The following GUCY2C variants were observed in gnomAD, a reference collection of about 807,000 sequenced individuals.
The protein encoded by GUCY2C is guanylyl cyclase C.
A neutral mutation model predicts 131.1 loss-of-function variants in GUCY2C; 118 were observed. The ratio of observed to expected loss-of-function variants is 0.90; its 90% CI spans 0.78 to 1.05. The LOEUF (loss-of-function observed/expected upper bound fraction) is 1.05. Among genes scored for constraint, GUCY2C ranks in the 50% least tolerant of loss-of-function variants. The pLI is 0.00. For missense variants in GUCY2C, 1,161 were observed against 1,304.4 expected (o/e 0.89, Z 1.69); for synonymous variants, 452 against 457.8 (o/e 0.99, Z 0.16).
chr12:14,679,995 T>G (rs994645420), intron 5 of GUCY2C, among the ~76,000 whole-genome samples: 2 of 152,020 alleles, frequency 1.3e-5, no homozygotes, highest in African/African-American at 2.4e-5. Flanking sequence ...TTTTATAGAT[T>G]TAAGGAGGCT....
chr12:14,664,285 A>G (rs896744765), intron 10 of GUCY2C, among the ~76,000 whole-genome samples: 1 of 152,130 alleles, frequency 6.6e-6, no homozygotes, highest in Non-Finnish European at 1.5e-5. Flanking sequence ...CACTCCCACC[A>G]TTCTCACGCC....
intron 16 of GUCY2C, 49 bp downstream of exon 16, chr12:14,645,180 G>T: frequency 1.0e-6 from 1 of 1,004,154 alleles, no homozygotes; most frequent in Non-Finnish European, 1.6e-6. Context: ...TGTTAGATCT[G>T]TTTTCTTATA....
At chr12:14,686,090 G>T in intron 3 of GUCY2C, 71 bp downstream of exon 3, 2 of 922,146 alleles carry the variant, frequency 2.2e-6, no homozygotes, top group African/African-American at 1.6e-5. Context: ...GGCTTGACTA[G>T]ACTGTTGTTT....
Position 14,656,629 on chromosome 12 carries a change from A to G in GUCY2C, c.1365-12T>C. ...CTTTTCTATATTTTCTGTGAAAGGA[A>G]TAAAACTGGTCAATAGGTTTTTATT... On this transcript the variant is annotated splice_polypyrimidine_tract_variant and intron_variant, in intron 11 of 26. Transcript: ENST00000261170. 1 of 1,281,510 alleles carries G rather than the reference A, an allele frequency of 7.8e-7. No homozygotes were observed. Among genetic ancestry groups the G allele is most frequent in the Non-Finnish European group, 1.1e-6 (1 of 877,182 alleles). The allele number at this position is 1,281,510 out of a possible 1,614,324, so 79.4% of individuals were successfully genotyped here.
intron 1 of GUCY2C, among the ~76,000 whole-genome samples, chr12:14,695,780 CAT>C (rs1392908217): frequency 2.0e-5 from 3 of 152,026 alleles, no homozygotes; most frequent in Admixed American, 1.3e-4. Context: ...CAGAAGGAAA[CAT>C]AATGCCTTCC....
chr12:14,639,662 G>C (rs918617698), intron 19 of GUCY2C, among the ~76,000 whole-genome samples, 200 bp downstream of exon 19: 4 of 152,192 alleles, frequency 2.6e-5, no homozygotes, highest in African/African-American at 9.7e-5. Context: ...AATGTCAACA[G>C]CCATCAGAAG....
At chr12:14,645,828 G>GTT (rs199803516) in intron 15 of GUCY2C, among the ~76,000 whole-genome samples, 32 of 139,298 alleles carry the variant, frequency 2.3e-4, no homozygotes, top group Middle Eastern at 3.8e-3. Context: ...AATTTTCTTT[G>GTT]TTTTTTTTTG....
At chr12:14,627,653 C>T (rs903374878) in intron 20 of GUCY2C, among the ~76,000 whole-genome samples, 5 of 152,122 alleles carry the variant, frequency 3.3e-5, no homozygotes, top group African/African-American at 1.2e-4. Context: ...TTCCAAGCTG[C>T]AGCCAAGTTT....
intron 21 of GUCY2C, among the ~76,000 whole-genome samples, chr12:14,625,226 G>A (rs979653815): frequency 5.1e-4 from 77 of 152,218 alleles, no homozygotes; most frequent in African/African-American, 1.8e-3. Flanking sequence ...GCTCCAGCTC[G>A]GGCTTCTTGG....
At chr12:14,625,162 T>C (rs1420266718) in intron 21 of GUCY2C, among the ~76,000 whole-genome samples, 1 of 152,122 alleles carries the variant, frequency 6.6e-6, no homozygotes, top group Non-Finnish European at 1.5e-5. Context: ...TGCAGGTGAT[T>C]TGACTTTCAG....
At chr12:14,620,910 A>C (rs902883200) in intron 23 of GUCY2C, 132 bp downstream of exon 23, 14 of 708,012 alleles carry the variant, frequency 2.0e-5, no homozygotes, top group Middle Eastern at 3.9e-4. Context: ...GGGACCTCAC[A>C]TTTGGCAAAA....
chr12:14,677,599 T>C (rs538436681), intron 6 of GUCY2C, among the ~76,000 whole-genome samples: 21 of 152,244 alleles, frequency 1.4e-4, no homozygotes, highest in Admixed American at 1.2e-3. Context: ...AGACAGAGTT[T>C]CACTCTCATT....
chr12:14,626,048 A>T (rs1240987740), intron 20 of GUCY2C, 133 bp from the exon 21 acceptor site: 6 of 627,042 alleles, frequency 9.6e-6, no homozygotes, highest in Non-Finnish European at 1.4e-5. Context: ...TAACAAAAAA[A>T]CTCAACCTCA....
At chr12:14,620,677 CTATAA>C (rs1946877802) in intron 23 of GUCY2C, among the ~76,000 whole-genome samples, 1 of 151,656 alleles carries the variant, frequency 6.6e-6, no homozygotes, top group Non-Finnish European at 1.5e-5. Context: ...ACTTAAGATA[CTATAA>C]TATTTTAGTG....
At chr12:14,671,289 C>A (rs1323993582) in intron 9 of GUCY2C, among the ~76,000 whole-genome samples, 1 of 152,116 alleles carries the variant, frequency 6.6e-6, no homozygotes, top group Non-Finnish European at 1.5e-5. Context: ...AGGCATGCAC[C>A]ACCATGCCCG....
chr12:14,685,357 C>G (rs1948448310), intron 3 of GUCY2C, among the ~76,000 whole-genome samples: 1 of 152,072 alleles, frequency 6.6e-6, no homozygotes, highest in Non-Finnish European at 1.5e-5. Context: ...TGTGAGGTGA[C>G]AAAAGCAAAC....
intron 10 of GUCY2C, among the ~76,000 whole-genome samples, chr12:14,666,397 CT>C (rs1353731798): frequency 6.6e-6 from 1 of 152,068 alleles, no homozygotes; most frequent in Non-Finnish European, 1.5e-5. Context: ...TTTCAGGCTG[CT>C]TTTTGCTAGA....
chr12:14,650,573 C>T (rs1947630514), intron 15 of GUCY2C, among the ~76,000 whole-genome samples: 1 of 152,120 alleles, frequency 6.6e-6, no homozygotes, highest in Non-Finnish European at 1.5e-5. Context: ...AGAACTTTTA[C>T]CTTAGCACCA....
intron 3 of GUCY2C, among the ~76,000 whole-genome samples, chr12:14,684,958 G>T (rs1948443016): frequency 6.6e-6 from 1 of 152,030 alleles, no homozygotes; most frequent in Non-Finnish European, 1.5e-5. Context: ...ATTACAGGCT[G>T]GTGCCACTGA....
Sources: gnomAD v4.1 joint callset for allele counts (sites outside exome capture counted in the v4.1 genomes callset) on GRCh38, gnomAD v4.1.1 for gene constraint, MANE v1.5 for transcripts, NCBI Gene and HGNC (gene_info 2026-07-23, HGNC 2026-07-21) for gene names.